Variants in PLB1 observed in about 807,000 individuals in gnomAD.
PLB1 encodes phospholipase B1, membrane-associated.
A neutral mutation model predicts 227.4 loss-of-function variants in PLB1; 242 were observed. The observed-to-expected ratio is 1.06, with a 90% CI of 0.96 to 1.18. The LOEUF is 1.18. Among genes scored for constraint, PLB1 ranks in the 50% most tolerant of loss-of-function variants. The pLI is 0.00. For missense variants in PLB1, 1,858 were observed against 1,816.3 expected (o/e 1.02, Z -0.42); for synonymous variants, 757 against 682.2 (o/e 1.11, Z -1.71).
chr2:28,523,987 C>A (rs1669888526), intron 4 of PLB1, among the ~76,000 whole-genome samples: 1 of 152,210 alleles, frequency 6.6e-6, no homozygotes, highest in African/African-American at 2.4e-5. Context: ...GTTTGTCTCC[C>A]TGGGAGATTT....
At chr2:28,587,541 C>T (rs184093245) in intron 26 of PLB1, among the ~76,000 whole-genome samples, 116 of 151,788 alleles carry the variant, frequency 7.6e-4, no homozygotes, top group Non-Finnish European at 1.3e-3. Flanking sequence ...GCCCAGGAGG[C>T]GGAGGTTGCA....
intron 17 of PLB1, among the ~76,000 whole-genome samples, chr2:28,556,267 T>C (rs768802909): frequency 7.3e-4 from 111 of 152,186 alleles, no homozygotes; most frequent in Non-Finnish European, 1.3e-3. Context: ...TGTTTCAAAA[T>C]GAGATGCAAC....
chr2:28,625,331 G>A (rs1687604572), intron 50 of PLB1, among the ~76,000 whole-genome samples: 1 of 152,230 alleles, frequency 6.6e-6, no homozygotes, highest in Admixed American at 6.5e-5. Flanking sequence ...GGAGGGCAAG[G>A]TGGAACAGGG....
chr2:28,609,570 A>G (rs35720543), intron 43 of PLB1, among the ~76,000 whole-genome samples: 11,675 of 152,218 alleles, frequency 0.077, 623 homozygotes, highest in Non-Finnish European at 0.12. Context: ...TGAATTACAT[A>G]TAAGTGACAT....
chr2:28,612,185 TTCAGACAGG>T (rs1338457954), intron 43 of PLB1, among the ~76,000 whole-genome samples: 1 of 152,106 alleles, frequency 6.6e-6, no homozygotes, highest in Non-Finnish European at 1.5e-5. Context: ...GGTTACCTGT[TTCAGACAGG>T]AATGCTGAGA....
chr2:28,515,615 C>G (rs762600102), intron 1 of PLB1, among the ~76,000 whole-genome samples: 4 of 152,158 alleles, frequency 2.6e-5, no homozygotes, highest in Non-Finnish European at 5.9e-5. Context: ...CTTCATGAAA[C>G]TCTAATAAAT....
chr2:28,640,845 G>C, intron 56 of PLB1, 82 bp from the exon 57 acceptor site: 2 of 1,405,728 alleles, frequency 1.4e-6, no homozygotes, highest in Non-Finnish European at 2.0e-6. Flanking sequence ...CGAGGGAGGG[G>C]CTCTGGTGTG....
chr2:28,606,479 T>G lies in PLB1; in HGVS notation c.3058-17T>G, dbSNP rs755684799. 3 of 1,612,396 alleles carry G rather than the reference T, an allele frequency of 1.9e-6. No homozygotes were observed. The highest frequency in any genetic ancestry group is 1.7e-5 in the Admixed American group (1 of 60,004). Reference sequence around the variant, plus strand: ...ACAAACTACTACACCCGTGTCTCTCTTTTCTTCCCTGATCAGCTTGAACCA... The same window carrying G: ...ACAAACTACTACACCCGTGTCTCTCGTTTCTTCCCTGATCAGCTTGAACCA... On this transcript the variant is annotated splice_polypyrimidine_tract_variant and intron_variant, in intron 42 of 57. Coordinates refer to ENST00000327757, the MANE Select transcript of PLB1 (RefSeq NM_153021.5).
intron 55 of PLB1, among the ~76,000 whole-genome samples, chr2:28,632,423 T>C (rs1688758926): frequency 6.6e-6 from 1 of 152,060 alleles, no homozygotes; most frequent in Non-Finnish European, 1.5e-5. Flanking sequence ...ATGTTACTCT[T>C]TTCAACTCTT....
intron 53 of PLB1, among the ~76,000 whole-genome samples, chr2:28,630,016 C>A (rs73924319): frequency 6.6e-6 from 1 of 152,158 alleles, no homozygotes; most frequent in East Asian, 1.9e-4. Flanking sequence ...TCGCAGGGAA[C>A]GGCTCCTCCA....
intron 21 of PLB1, 24 bp from the exon 22 acceptor site, chr2:28,578,083 A>G: frequency 6.2e-7 from 1 of 1,613,032 alleles, no homozygotes; most frequent in South Asian, 1.1e-5. Context: ...TCCTCACAGC[A>G]CTTCCTCTGG....
At chr2:28,585,735 G>T in intron 25 of PLB1, 26 bp from the exon 26 acceptor site, 1 of 1,540,018 alleles carries the variant, frequency 6.5e-7, no homozygotes, top group Non-Finnish European at 9.0e-7. Flanking sequence ...GGTGGGATGA[G>T]GGTTTCTCTT....
chr2:28,597,899 C>T, intron 33 of PLB1, 106 bp from the exon 34 acceptor site: 1 of 1,092,156 alleles, frequency 9.2e-7, no homozygotes, highest in Non-Finnish European at 1.4e-6. Context: ...CTCAAAGGTG[C>T]CGATGGGCAC....
chr2:28,567,029 G>T (rs1478680701), intron 20 of PLB1, among the ~76,000 whole-genome samples, 190 bp downstream of exon 20: 1 of 151,810 alleles, frequency 6.6e-6, no homozygotes, highest in South Asian at 2.1e-4. Context: ...CTTAGAGTTG[G>T]GGGTGGAACG....
At chr2:28,596,879 G>A (rs776119123) in intron 33 of PLB1, among the ~76,000 whole-genome samples, 1 of 152,232 alleles carries the variant, frequency 6.6e-6, no homozygotes, top group African/African-American at 2.4e-5. Context: ...TTCATTCCAA[G>A]CATTCCTTGA....
At chr2:28,625,240 C>A in intron 50 of PLB1, 132 bp downstream of exon 50, 1 of 823,886 alleles carries the variant, frequency 1.2e-6, no homozygotes, top group Non-Finnish European at 1.9e-6. Context: ...CTCGGAGAAG[C>A]AGTCCTTACC....
chr2:28,593,592 G>T (rs1467629337), intron 32 of PLB1, 89 bp from the exon 33 acceptor site: 1 of 1,113,990 alleles, frequency 9.0e-7, no homozygotes, highest in Admixed American at 1.9e-5. Context: ...AGTGCATTGG[G>T]AACCCCCTCT....
At chr2:28,526,093 C>T (rs1372104589) in intron 6 of PLB1, 148 bp downstream of exon 6, 12 of 867,596 alleles carry the variant, frequency 1.4e-5, no homozygotes, top group Non-Finnish European at 2.2e-5. Context: ...GAGGACAGAT[C>T]AGGAAGCCAG....
chr2:28,609,908 T>C (rs1170117935), intron 43 of PLB1, among the ~76,000 whole-genome samples: 1 of 152,152 alleles, frequency 6.6e-6, no homozygotes, highest in Non-Finnish European at 1.5e-5. Flanking sequence ...CTCATCACTT[T>C]GTACGTTAAA....
Sources: gnomAD v4.1 joint callset for allele counts (sites outside exome capture counted in the v4.1 genomes callset) on GRCh38, gnomAD v4.1.1 for gene constraint, MANE v1.5 for transcripts, NCBI Gene and HGNC (gene_info 2026-07-23, HGNC 2026-07-21) for gene names.